The following DST variants were observed in gnomAD, a reference collection of about 807,000 sequenced individuals.
DST encodes dystonin, also known as bullous pemphigoid antigen.
In DST, 253 loss-of-function variants were observed where a neutral mutation model predicts 875.2. That is an observed-to-expected ratio of 0.29 (90% CI 0.26 to 0.32). DST has a LOEUF of 0.32. DST is among the 10% of genes least tolerant of loss of function. The pLI, the probability that DST is intolerant of heterozygous loss-of-function variation, is 1.00. For missense variants in DST, 8,287 were observed against 9,111.6 expected, an observed-to-expected ratio of 0.91 and a Z score of 3.68; for synonymous variants, 3,124 against 3,197.1, an observed-to-expected ratio of 0.98 and a Z score of 0.77.
intron 4 of DST, among the ~76,000 whole-genome samples, chr6:56,796,966 C>T (rs1467169534): frequency 6.6e-6 from 1 of 152,138 alleles, no homozygotes; most frequent in Non-Finnish European, 1.5e-5. Flanking sequence ...TTTTACTGCA[C>T]TTGGCTTTAT....
At chr6:56,634,054 A>G in intron 27 of DST, 78 bp downstream of exon 27, 1 of 1,548,820 alleles carries the variant, frequency 6.5e-7, no homozygotes, top group Non-Finnish European at 8.9e-7. Context: ...TTCTAAAGCA[A>G]ATACAAACTC....
intron 5 of DST, among the ~76,000 whole-genome samples, chr6:56,707,848 T>C (rs1419343167): frequency 6.6e-6 from 1 of 152,028 alleles, no homozygotes; most frequent in Non-Finnish European, 1.5e-5. Flanking sequence ...AGAAGGAAAA[T>C]AATAATATTA....
chr6:56,717,138 G>T (rs534841813), intron 5 of DST, among the ~76,000 whole-genome samples: 62 of 152,082 alleles, frequency 4.1e-4, no homozygotes, highest in Non-Finnish European at 7.8e-4. Context: ...AGCCGAGATC[G>T]TGCCACTGCA....
intron 3 of DST, chr6:56,871,344 A>T: frequency 9.9e-7 from 1 of 1,013,874 alleles, no homozygotes; most frequent in Non-Finnish European, 1.6e-6. Flanking sequence ...GAAAGATGTC[A>T]CTTTACAGAA....
chr6:56,698,163 G>A (rs1387757623), intron 9 of DST, among the ~76,000 whole-genome samples: 1 of 151,916 alleles, frequency 6.6e-6, no homozygotes, highest in Non-Finnish European at 1.5e-5. Context: ...TCCTTCTGCT[G>A]AAACTATTCA....
intron 44 of DST, among the ~76,000 whole-genome samples, chr6:56,601,188 C>G (rs2098442685): frequency 6.6e-6 from 1 of 151,986 alleles, no homozygotes; most frequent in East Asian, 1.9e-4. Context: ...ATTTCCTAGT[C>G]TTGGGGTGGG....
rs758184800 is a variant in DST, at chr6:56,517,263, C to T, written c.18292G>A (p.Asp6098Asn). Residue 6098 changes from aspartate to asparagine, a missense_variant, in exon 71 of 104, where the codon GAC becomes AAC. Asp to Asn is a conservative substitution (Grantham distance 23, BLOSUM62 1). This residue lies in a region of DST where 1,292 missense variants were observed against 1,552.7 expected (regional missense o/e 0.83). Transcript: ENST00000680361. ...EILRHKDIID[D>N]LVKSGHKIMT... ...ATTTTATGCCCAGATTTAACAAGGT[C>T]ATCAATAATATCCTTGTGTCTCAAA... 6.2e-7 allele frequency: 1 copy of T among 1,612,876 alleles called. No homozygotes were observed. The highest frequency in any genetic ancestry group is 1.1e-5 in the South Asian group (1 of 91,050).
At chr6:56,893,565 T>TC (rs1562313463) in intron 3 of DST, among the ~76,000 whole-genome samples, 2 of 107,568 alleles carry the variant, frequency 1.9e-5, no homozygotes, top group Non-Finnish European at 3.6e-5. Flanking sequence ...TTTAGTTCTT[T>TC]TTTTTTTTTT....
At chr6:56,702,889 A>T (rs943271450) in intron 7 of DST, among the ~76,000 whole-genome samples, 7 of 152,174 alleles carry the variant, frequency 4.6e-5, no homozygotes, top group Non-Finnish European at 1.0e-4. Context: ...CCATAAGAAA[A>T]CAGACAGCAC....
chr6:56,836,864 G>A (rs71550517), intron 4 of DST, among the ~76,000 whole-genome samples: 18,670 of 139,998 alleles, frequency 0.13, 1,615 homozygotes, highest in Non-Finnish European at 0.17. Context: ...AAAAAAAAAA[G>A]AAAGAAAAAA....
At chr6:56,481,620 T>C (rs2095404633) in intron 90 of DST, among the ~76,000 whole-genome samples, 1 of 152,236 alleles carries the variant, frequency 6.6e-6, no homozygotes, top group Non-Finnish European at 1.5e-5. Flanking sequence ...TTAAATTACC[T>C]GTGTGTCTTG....
At chr6:56,819,670 T>C (rs984664323) in intron 4 of DST, among the ~76,000 whole-genome samples, 1 of 152,206 alleles carries the variant, frequency 6.6e-6, no homozygotes, top group African/African-American at 2.4e-5. Context: ...GAAATATTTA[T>C]GTACTTTATT....
intron 35 of DST, 148 bp from the exon 36 acceptor site, chr6:56,624,776 T>C: frequency 1.5e-6 from 1 of 670,958 alleles, no homozygotes; most frequent in Non-Finnish European, 2.6e-6. Context: ...ATGAGCTTAT[T>C]ATTACTATTA....
chr6:56,843,303 C>A, intron 4 of DST: 1 of 1,234,528 alleles, frequency 8.1e-7, no homozygotes, highest in South Asian at 3.8e-5. Context: ...AGAGCGGGGG[C>A]GCAGGGGGCT....
rs2094190253 is a variant in DST at position 56,459,086 on chromosome 6, T to C, written c.23376A>G (p.Pro7792=). 6.2e-7 allele frequency: 1 copy of C among 1,613,900 alleles called. No individual in the cohort carries two copies. The highest frequency in any genetic ancestry group is 1.3e-5 in the African/African-American group (1 of 74,930). Residue 7792 remains proline, a synonymous_variant, in exon 104 of 104, where the codon CCA becomes CCG. Coordinates refer to ENST00000680361, the MANE Select transcript of DST (RefSeq NM_001374736.1). ...HRPTPRAGSR[P]STAKPSKIPT... is the part of the protein sequence containing the mutation. Reference sequence around the variant, plus strand: ...GGATTTTTGAAGGCTTCGCTGTGGATGGCCGAGAACCTGCTCGGGGTGTAG... The same window carrying C: ...GGATTTTTGAAGGCTTCGCTGTGGACGGCCGAGAACCTGCTCGGGGTGTAG...
chr6:56,667,818 TATATATATATA>T (rs968357032), intron 10 of DST, among the ~76,000 whole-genome samples: 1 of 148,128 alleles, frequency 6.8e-6, no homozygotes, highest in Admixed American at 6.6e-5. Flanking sequence ...GCATTATATA[TATATATATATA>T]CACACACACA....
intron 4 of DST, among the ~76,000 whole-genome samples, chr6:56,759,034 T>C (rs930071503): frequency 6.6e-6 from 1 of 152,208 alleles, no homozygotes; most frequent in African/African-American, 2.4e-5. Flanking sequence ...AGCTGCATTA[T>C]CATCCTGCAC....
chr6:56,618,892 G>A (rs778212749), intron 36 of DST: 2 of 1,614,042 alleles, frequency 1.2e-6, no homozygotes, highest in Middle Eastern at 1.6e-4. Flanking sequence ...TTTTCAACCT[G>A]TTATTTAACT....
chr6:56,727,723 T>G lies in DST; in HGVS notation c.687+7505A>C, dbSNP rs372667421. On this transcript the variant is annotated intron_variant, in intron 5 of 103. Transcript: ENST00000680361. ...TATATGAGGGAATGCTGAAAGAAAT[T>G]AGAACACAGCAAAGAGGCCATGTGC... 1.2e-4 allele frequency among the ~76,000 whole-genome samples: 18 copies of G among 152,322 alleles called. No individual in the cohort carries two copies. In the East Asian group the frequency reaches 2.9e-3, roughly 25 times the overall value.
Sources: gnomAD v4.1 joint callset for allele counts (sites outside exome capture counted in the v4.1 genomes callset) on GRCh38, gnomAD v4.1.1 for gene constraint, gnomAD v4.1.1 regional missense constraint, MANE v1.5 for transcripts, NCBI Gene and HGNC (gene_info 2026-07-23, HGNC 2026-07-21) for gene names.